PKD2L2: variants seen among roughly 807,000 people sequenced by gnomAD.
The protein encoded by PKD2L2 is polycystin-2-like protein 2.
Under a neutral mutation model 83.9 loss-of-function variants are expected in PKD2L2, and 67 were observed. That is an observed-to-expected ratio of 0.80 (90% confidence interval 0.66 to 0.98). PKD2L2 has a LOEUF of 0.98. Among genes scored for constraint, PKD2L2 ranks in the 50% least tolerant of loss-of-function variants. The pLI, the probability that PKD2L2 is intolerant of heterozygous loss-of-function variation, is 0.00. For missense variants in PKD2L2, 632 were observed against 717.2 expected (o/e 0.88, Z 1.36); for synonymous variants, 223 against 237.8 (o/e 0.94, Z 0.57).
intron 4 of PKD2L2, among the ~76,000 whole-genome samples, chr5:137,899,263 C>T (rs911237452): frequency 6.6e-6 from 1 of 152,078 alleles, no homozygotes; most frequent in Non-Finnish European, 1.5e-5. Flanking sequence ...ACTACAGGCA[C>T]ATGCCACCAT....
At chr5:137,904,424 A>G (rs747390019) in intron 5 of PKD2L2, among the ~76,000 whole-genome samples, 1 of 152,240 alleles carries the variant, frequency 6.6e-6, no homozygotes, top group Non-Finnish European at 1.5e-5. Flanking sequence ...ACTATACACC[A>G]TCTAATACTA....
chr5:137,923,294 C>T (rs1759092939), intron 9 of PKD2L2, 126 bp from the exon 10 acceptor site: 4 of 553,548 alleles, frequency 7.2e-6, no homozygotes, highest in South Asian at 2.1e-5. Context: ...GGATTACAGG[C>T]GTGAGCCACC....
chr5:137,936,089 G>A (rs946224751), intron 13 of PKD2L2, among the ~76,000 whole-genome samples, 180 bp downstream of exon 13: 2 of 152,110 alleles, frequency 1.3e-5, no homozygotes, highest in Non-Finnish European at 2.9e-5. Context: ...AGAAGCTTTT[G>A]ATTACATCCC....
At chr5:137,898,505 C>T (rs533397591) in intron 4 of PKD2L2, among the ~76,000 whole-genome samples, 111 of 152,150 alleles carry the variant, frequency 7.3e-4, no homozygotes, top group South Asian at 1.2e-3. Flanking sequence ...AAAAAACAGT[C>T]GTCATTTTCT....
intron 8 of PKD2L2, among the ~76,000 whole-genome samples, chr5:137,915,682 G>A (rs1432021498): frequency 6.6e-6 from 1 of 152,158 alleles, no homozygotes; most frequent in African/African-American, 2.4e-5. Context: ...GCCTCCCAAA[G>A]GGGAGGTTTT....
At chr5:137,910,010 G>A (rs542769700) in intron 8 of PKD2L2, among the ~76,000 whole-genome samples, 1 of 152,016 alleles carries the variant, frequency 6.6e-6, no homozygotes, top group African/African-American at 2.4e-5. Flanking sequence ...AATCACTGAG[G>A]CCAGGAGTTC....
rs752667543 is a variant in PKD2L2, at chr5:137,923,428, C to T, written c.1458C>T (p.Phe486=). The T allele has an allele frequency of 1.1e-5, 15 of 1,402,626 alleles. No homozygotes were observed. In the South Asian group the frequency reaches 1.7e-4, roughly 16 times the overall value. The allele number at this position is 1,402,626 out of a possible 1,614,324, so 86.9% of individuals were successfully genotyped here. A position where few individuals can be genotyped will look rare whatever the true frequency, so the allele number is the denominator to read the frequency against. ...TGAATACTTATCCCTAGAATATGTT[C>T]TTGGCAATTATTAATGATACCTATT... ...FFVFFVLLNM[F]LAIINDTYSE... is the part of the protein sequence containing the mutation. Residue 486 remains phenylalanine, a synonymous_variant, in exon 10 of 15, where the codon TTC becomes TTT. Transcript: ENST00000508883.
intron 3 of PKD2L2, 49 bp downstream of exon 3, chr5:137,892,662 A>G (rs1227093503): frequency 6.6e-6 from 10 of 1,505,452 alleles, no homozygotes; most frequent in Non-Finnish European, 9.1e-6. Flanking sequence ...TAGTCCATGA[A>G]CCCTTGGCAT....
chr5:137,903,700 A>G (rs1364974414), intron 5 of PKD2L2, among the ~76,000 whole-genome samples: 2 of 152,214 alleles, frequency 1.3e-5, no homozygotes, highest in Admixed American at 1.3e-4. Context: ...TTGAAATAAT[A>G]AAACAATGTG....
chr5:137,914,301 TG>T (rs1158948135), intron 8 of PKD2L2, among the ~76,000 whole-genome samples: 1 of 152,178 alleles, frequency 6.6e-6, no homozygotes, highest in Non-Finnish European at 1.5e-5. Context: ...TTTTGAGTGC[TG>T]ATATGACACT....
chr5:137,930,979 AAAGGAGAG>A (rs1341620474), intron 12 of PKD2L2, among the ~76,000 whole-genome samples: 1 of 152,152 alleles, frequency 6.6e-6, no homozygotes, highest in Non-Finnish European at 1.5e-5. Context: ...CTAGTGGAAT[AAAGGAGAG>A]AAAGCATAAA....
At chr5:137,923,926 T>A (rs886361535) in intron 10 of PKD2L2, among the ~76,000 whole-genome samples, 24 of 152,214 alleles carry the variant, frequency 1.6e-4, no homozygotes, top group African/African-American at 5.3e-4. Context: ...ATTTTCCTGT[T>A]TCTGTTCATG....
intron 13 of PKD2L2, 63 bp from the exon 14 acceptor site, chr5:137,936,257 C>T: frequency 1.4e-6 from 2 of 1,437,964 alleles, no homozygotes; most frequent in South Asian, 2.5e-5. Context: ...GCACTAGTAA[C>T]TTGCTGTCTA....
At chr5:137,938,150 T>C (rs1760695952) in intron 14 of PKD2L2, 2 of 152,476 alleles carry the variant, frequency 1.3e-5, no homozygotes, top group South Asian at 4.1e-4. Context: ...TGACACACAA[T>C]ACTGTCACAG....
chr5:137,922,977 T>TA, intron 9 of PKD2L2, among the ~76,000 whole-genome samples: 1 of 152,148 alleles, frequency 6.6e-6, no homozygotes, highest in East Asian at 1.9e-4. Context: ...GGGTTACTTT[T>TA]AAAATTTGAT....
At chr5:137,899,486 T>C in intron 4 of PKD2L2, 30 bp from the exon 5 acceptor site, 1 of 1,347,368 alleles carries the variant, frequency 7.4e-7, no homozygotes, top group Non-Finnish European at 1.1e-6. Context: ...GGCTTTGTCA[T>C]TTCACCATTA....
At chr5:137,898,783 G>GT (rs992306305) in intron 4 of PKD2L2, among the ~76,000 whole-genome samples, 2 of 151,808 alleles carry the variant, frequency 1.3e-5, no homozygotes, top group Non-Finnish European at 1.5e-5. Flanking sequence ...GAGTGCTGGA[G>GT]TGCGGTAGTG....
chr5:137,912,778 A>C (rs1298725276), intron 8 of PKD2L2, among the ~76,000 whole-genome samples: 1 of 149,340 alleles, frequency 6.7e-6, no homozygotes, highest in Admixed American at 6.7e-5. Context: ...GTCCATTTTT[A>C]AATTGGATTA....
chr5:137,908,566 G>C (rs1212820968), intron 7 of PKD2L2, among the ~76,000 whole-genome samples, 199 bp from the exon 8 acceptor site: 2 of 152,036 alleles, frequency 1.3e-5, no homozygotes, highest in African/African-American at 2.4e-5. Context: ...ACTCCAGTCT[G>C]GGTGACAGAG....
Sources: gnomAD v4.1 joint callset for allele counts (sites outside exome capture counted in the v4.1 genomes callset) on GRCh38, gnomAD v4.1.1 for gene constraint, MANE v1.5 for transcripts, NCBI Gene and HGNC (gene_info 2026-07-23, HGNC 2026-07-21) for gene names.